PRRT1B: variants seen among roughly 807,000 people sequenced by gnomAD.
PRRT1B encodes the protein proline rich transmembrane protein 1B, also known as dispanin subfamily D member 2.
At chr9:131,546,351 C>T (rs1950974467) in intron 1 of PRRT1B, among the ~76,000 whole-genome samples, 1 of 152,106 alleles carries the variant, frequency 6.6e-6, no homozygotes, top group Non-Finnish European at 1.5e-5. Context: ...GGGTGGGATC[C>T]GGCCAAGGCT....
intron 1 of PRRT1B, among the ~76,000 whole-genome samples, chr9:131,545,991 C>T (rs1294493875): frequency 6.6e-6 from 1 of 152,120 alleles, no homozygotes; most frequent in Admixed American, 6.5e-5. Context: ...CAGGACACCC[C>T]ATCCGGAGCC....
intron 1 of PRRT1B, among the ~76,000 whole-genome samples, chr9:131,548,269 C>T (rs1950988590): frequency 6.6e-6 from 1 of 152,060 alleles, no homozygotes; most frequent in Non-Finnish European, 1.5e-5. Flanking sequence ...CTCTCCGTAT[C>T]TCTACCCTTC....
intron 1 of PRRT1B, among the ~76,000 whole-genome samples, chr9:131,546,639 G>A (rs1250105568): frequency 9.1e-6 from 1 of 110,330 alleles, no homozygotes; most frequent in Non-Finnish European, 1.9e-5. Context: ...CCGCCCTCCA[G>A]GACTCCCCCC....
chr9:131,558,564 G>C (rs1951065273), exon 4 of PRRT1B: 1 of 183,998 alleles, frequency 5.4e-6, no homozygotes, highest in Admixed American at 6.2e-5. Context: ...GCCATCGTAG[G>C]GACCAAAGCC....
At chr9:131,547,046 G>C (rs1174736836) in intron 1 of PRRT1B, among the ~76,000 whole-genome samples, 1 of 144,742 alleles carries the variant, frequency 6.9e-6, no homozygotes, top group Non-Finnish European at 1.5e-5. Flanking sequence ...TCTCAGAGCA[G>C]AGCCTGGCCT....
intron 1 of PRRT1B, among the ~76,000 whole-genome samples, chr9:131,549,025 T>C (rs12341751): frequency 0.5 from 76,073 of 152,018 alleles, 22,696 homozygotes; most frequent in African/African-American, 0.83. Context: ...TGGCAGCAAC[T>C]GTGAGATGCT....
chr9:131,556,486 T>C lies in PRRT1B; in HGVS notation c.642+273T>C, dbSNP rs369076612. On this transcript the variant is annotated intron_variant, in intron 3 of 3. Coordinates refer to ENST00000636672, the Ensembl canonical transcript of PRRT1B. Reference sequence around the variant, plus strand: ...CTGATAAGACCCAATGTGCTGCCCATTCCAGTGGAGGCTTGTGTTTTAAAG... The same window carrying C: ...CTGATAAGACCCAATGTGCTGCCCACTCCAGTGGAGGCTTGTGTTTTAAAG... Among the ~76,000 whole-genome samples the C allele has an allele frequency of 3.9e-5, 6 of 152,320 alleles. No individual in the cohort carries two copies. The East Asian group carries it at 1.2e-3, about 29-fold the overall frequency.
exon 4 of PRRT1B, chr9:131,558,486 C>A: frequency 3.3e-6 from 1 of 303,842 alleles, no homozygotes; most frequent in Non-Finnish European, 6.0e-6. Context: ...ACCAGAGCCC[C>A]ATTTCCCAGG....
rs1167152250 is a variant in PRRT1B at position 131,551,433 on chromosome 9, C to T, written c.26-3124C>T. Among the ~76,000 whole-genome samples, 1 of 152,104 alleles carries T rather than the reference C, an allele frequency of 6.6e-6. No individual in the cohort carries two copies. Among genetic ancestry groups the T allele is most frequent in the African/African-American group, 2.4e-5 (1 of 41,406 alleles). On this transcript the variant is annotated intron_variant, in intron 1 of 3. Transcript: ENST00000636672. The surrounding 1 kb of genome is among the most constrained non-coding windows in gnomAD (Gnocchi z 4.4). ...TGAAGCAGCCCTGAGAAACATCGCC[C>T]ATTATCTCTCCATACCACCCCCAAA...
At chr9:131,555,009 G>A in exon 2 of PRRT1B, 1 of 393,258 alleles carries the variant, frequency 2.5e-6, no homozygotes, top group Non-Finnish European at 4.5e-6. Context: ...GCCCGCCGGG[G>A]CCGCCTTCCC....
chr9:131,558,220 AGATGCCG>A (rs1184248890), exon 4 of PRRT1B: 1 of 400,916 alleles, frequency 2.5e-6, no homozygotes, highest in East Asian at 3.6e-5. Context: ...GCTCCTGCGG[AGATGCCG>A]GATGCCGGAA....
exon 4 of PRRT1B, chr9:131,558,119 C>T (rs1000680646): frequency 2.0e-5 from 8 of 400,968 alleles, no homozygotes; most frequent in East Asian, 7.1e-5. Flanking sequence ...GGCCCGCTCG[C>T]TGGTGCTCTT....
intron 1 of PRRT1B, 73 bp downstream of exon 1, chr9:131,545,713 C>A: frequency 7.5e-6 from 3 of 398,370 alleles, no homozygotes; most frequent in Non-Finnish European, 1.3e-5. Context: ...ACTGGCGAGG[C>A]AGGTACTGGA....
chr9:131,550,846 C>T (rs956190131), intron 1 of PRRT1B, among the ~76,000 whole-genome samples: 1 of 150,106 alleles, frequency 6.7e-6, no homozygotes, highest in African/African-American at 2.4e-5. Flanking sequence ...TGTCCTGGGT[C>T]CTCCCAATTC....
chr9:131,559,525 G>A (rs1462300426), downstream of PRRT1B, among the ~76,000 whole-genome samples: 1 of 152,222 alleles, frequency 6.6e-6, no homozygotes, highest in Admixed American at 6.5e-5. Context: ...TAAATCAGTT[G>A]GTTTCAGAGC....
chr9:131,559,657 G>A (rs1197628134), downstream of PRRT1B, among the ~76,000 whole-genome samples: 1 of 152,216 alleles, frequency 6.6e-6, no homozygotes, highest in Non-Finnish European at 1.5e-5. Flanking sequence ...GTCATGAGCA[G>A]CCTGGAGACT....
At chr9:131,554,434 G>A (rs1461790394) in intron 1 of PRRT1B, 123 bp from the exon 2 acceptor site, 2 of 365,288 alleles carry the variant, frequency 5.5e-6, no homozygotes, top group Admixed American at 4.6e-5. Context: ...GTCCCTTTGC[G>A]TCACGATCCT....
At chr9:131,555,778 A>T (rs920126186) in intron 2 of PRRT1B, among the ~76,000 whole-genome samples, 1 of 152,182 alleles carries the variant, frequency 6.6e-6, no homozygotes, top group Admixed American at 6.5e-5. Flanking sequence ...TGGCGAGCCC[A>T]GTGAGGACGA....
chr9:131,551,366 ATC>A lies in PRRT1B; in HGVS notation c.26-3186_26-3185del. Among the ~76,000 whole-genome samples, 1 of 152,144 alleles carries A rather than the reference ATC, an allele frequency of 6.6e-6. No homozygotes were observed. The highest frequency in any genetic ancestry group is 1.5e-5 in the Non-Finnish European group (1 of 67,996). On this transcript the variant is annotated intron_variant, in intron 1 of 3. Transcript: ENST00000636672. The surrounding 1 kb of genome is among the most constrained non-coding windows in gnomAD (Gnocchi z 4.4). ...TACCACAAAATCTTCCTTCAGCTTAATCTCTCCCACTCTAGGTTCCCACGCCG... is the reference window on the plus strand; with the variant it reads ...TACCACAAAATCTTCCTTCAGCTTAATCTCCCACTCTAGGTTCCCACGCCG...
Sources: gnomAD v4.1 joint callset for allele counts (sites outside exome capture counted in the v4.1 genomes callset) on GRCh38, gnomAD v4.1.1 for gene constraint, Gnocchi (gnomAD v3.1) non-coding constraint, MANE v1.5 for transcripts, NCBI Gene and HGNC (gene_info 2026-07-23, HGNC 2026-07-21) for gene names.